EIF5A2: variants seen among roughly 807,000 people sequenced by gnomAD.
EIF5A2 encodes eukaryotic translation initiation factor 5A-2.
In EIF5A2, 15 loss-of-function variants were observed where a neutral mutation model predicts 16.4. That is an observed-to-expected ratio of 0.92 (90% CI 0.61 to 1.41). The LOEUF (loss-of-function observed/expected upper bound fraction) is 1.41, where lower values mean the gene tolerates loss of function less well. Among genes scored for constraint, EIF5A2 ranks in the 40% most tolerant of loss-of-function variants. EIF5A2 has a pLI of 0.00. For synonymous variants in EIF5A2, 48 were observed against 61.1 expected (o/e 0.79, Z 1.00); for missense variants, 144 against 189.5 (o/e 0.76, Z 1.41).
At position 170,891,602 on chromosome 3, in the gene EIF5A2, A is replaced by T. The variant is rs1042993107; in HGVS notation, c.*1758T>A. 4 of 152,624 alleles carry T rather than the reference A, an allele frequency of 2.6e-5. No individual in the cohort carries two copies. The highest frequency in any genetic ancestry group is 9.6e-5 in the African/African-American group (4 of 41,464). The allele number at this position is 152,624 out of a possible 1,614,324, so 9.5% of individuals were successfully genotyped here. ...CTGATTAGATCAGTTACATCATCAT[A>T]TATGATATACTTTCCTTTAGAAGAT... On this transcript the variant is annotated 3_prime_UTR_variant, in exon 5 of 5. Transcript: ENST00000295822.
At chr3:170,899,212 G>T (rs1009221284) in intron 3 of EIF5A2, among the ~76,000 whole-genome samples, 12 of 151,806 alleles carry the variant, frequency 7.9e-5, no homozygotes, top group Admixed American at 4.6e-4. Context: ...TAACTTTCAT[G>T]GTATCTTTTT....
intron 3 of EIF5A2, among the ~76,000 whole-genome samples, chr3:170,901,747 T>G (rs1030914114): frequency 9.9e-5 from 15 of 152,166 alleles, no homozygotes; most frequent in Non-Finnish European, 1.8e-4. Flanking sequence ...GACAGGTGCC[T>G]TCTTAGTTCT....
At position 170,892,862 on chromosome 3, in the gene EIF5A2, T is replaced by A. The variant is rs1712569739; in HGVS notation, c.*498A>T. On this transcript the variant is annotated 3_prime_UTR_variant, in exon 5 of 5. Coordinates refer to ENST00000295822, the MANE Select transcript of EIF5A2 (RefSeq NM_020390.6). ...CACCAAAATAACTGACAGTTTTTGA[T>A]AACATGATTTTTGTTTAAGGATTTG... 1.3e-5 allele frequency: 5 copies of A among 398,926 alleles called. No individual in the cohort carries two copies. Among genetic ancestry groups the A allele is most frequent in the Non-Finnish European group, 4.4e-6 (1 of 226,092 alleles). The allele number at this position is 398,926 out of a possible 1,614,324, so 24.7% of individuals were successfully genotyped here.
Position 170,890,845 on chromosome 3 carries a change from A to T in EIF5A2, c.*2515T>A, listed in dbSNP as rs190608515. The T allele has an allele frequency of 6.5e-6, 1 of 152,742 alleles. No homozygotes were observed. Among genetic ancestry groups the T allele is most frequent in the African/African-American group, 2.4e-5 (1 of 41,584 alleles). The allele number at this position is 152,742 out of a possible 1,614,324, so 9.5% of individuals were successfully genotyped here. A position where few individuals can be genotyped will look rare whatever the true frequency, so the allele number is the denominator to read the frequency against. On this transcript the variant is annotated 3_prime_UTR_variant, in exon 5 of 5. Transcript: ENST00000295822. ...TCACTTCTGTTCTATGTTAAAAAAT[A>T]CATGTTCCCCGCTTCCTTTTAATAT...
chr3:170,892,428 C>CAAAA lies in EIF5A2; in HGVS notation c.*928_*931dup, dbSNP rs34403814. The stretch of plus-strand genomic sequence containing the variant: ...TGGCTGATGGAGTGAGACTCAGTCT[C>CAAAA]AAAAAAAAAAAAAAAAAAAAGGAAG... On this transcript the variant is annotated 3_prime_UTR_variant, in exon 5 of 5. Coordinates refer to ENST00000295822, the MANE Select transcript of EIF5A2 (RefSeq NM_020390.6). The CAAAA allele has an allele frequency of 1.3e-4, 11 of 81,740 alleles. No individual in the cohort carries two copies. The highest frequency in any genetic ancestry group is 1.4e-4 in the Admixed American group (1 of 7,324). The allele number at this position is 81,740 out of a possible 1,614,324, so 5.1% of individuals were successfully genotyped here. A position where few individuals can be genotyped will look rare whatever the true frequency, so the allele number is the denominator to read the frequency against.
intron 3 of EIF5A2, among the ~76,000 whole-genome samples, chr3:170,903,880 A>G (rs1712870530): frequency 6.6e-6 from 1 of 152,268 alleles, no homozygotes; most frequent in African/African-American, 2.4e-5. Flanking sequence ...CAATTCACTA[A>G]TAATCCAAAG....
intron 3 of EIF5A2, among the ~76,000 whole-genome samples, chr3:170,904,196 C>A (rs900370116): frequency 2.0e-5 from 3 of 152,200 alleles, no homozygotes; most frequent in African/African-American, 4.8e-5. Context: ...AATTCTAATC[C>A]AAGCTAATCT....
intron 3 of EIF5A2, among the ~76,000 whole-genome samples, chr3:170,900,366 C>CAAAAAAAAAAAAA: frequency 1.6e-5 from 1 of 64,146 alleles, no homozygotes; most frequent in Non-Finnish European, 3.1e-5. Flanking sequence ...GACTCCATCT[C>CAAAAAAAAAAAAA]AAAAAAAAAA....
chr3:170,896,182 T>C (rs532355655), intron 3 of EIF5A2, among the ~76,000 whole-genome samples: 70 of 152,296 alleles, frequency 4.6e-4, no homozygotes, highest in African/African-American at 1.6e-3. Context: ...TTTTAAGAGT[T>C]AAGAATCATA....
chr3:170,907,065 G>A lies in EIF5A2; in HGVS notation c.194C>T (p.Thr65Met), dbSNP rs750910672. 1.9e-6 allele frequency: 3 copies of A among 1,612,178 alleles called. No homozygotes were observed. Among genetic ancestry groups the A allele is most frequent in the African/African-American group, 2.7e-5 (2 of 74,822 alleles). ...ACAAATATCTTCATATTTTTTGCCCGTGAAAATATCAATTCCAACAAGGTG... is the reference window on the plus strand; with the variant it reads ...ACAAATATCTTCATATTTTTTGCCCATGAAAATATCAATTCCAACAAGGTG... ...KVHLVGIDIF[T>M]GKKYEDICPS... is the part of the protein sequence containing the mutation. Residue 65 changes from threonine to methionine, a missense_variant, in exon 3 of 5, where the codon ACG becomes ATG. Thr to Met is a moderately conservative substitution (Grantham distance 81). Transcript: ENST00000295822.
intron 2 of EIF5A2, 76 bp from the exon 3 acceptor site, chr3:170,907,169 C>T (rs1712956391): frequency 1.1e-6 from 1 of 885,966 alleles, no homozygotes; most frequent in Non-Finnish European, 1.8e-6. Context: ...AGCACAATAC[C>T]AATGCTGATT....
chr3:170,890,778 G>A lies in EIF5A2; in HGVS notation c.*2582C>T, dbSNP rs550350548. 6.6e-6 allele frequency: 1 copy of A among 152,484 alleles called. No homozygotes were observed. The highest frequency in any genetic ancestry group is 1.5e-5 in the Non-Finnish European group (1 of 67,950). 9.4% of individuals were successfully genotyped at this position (152,484 alleles called of 1,614,324 possible). The stretch of plus-strand genomic sequence containing the variant: ...GCTACAAAAAAGTACAACAAATATT[G>A]GGAATCAACTTTAACATTTCTGATG... On this transcript the variant is annotated 3_prime_UTR_variant, in exon 5 of 5. Transcript: ENST00000295822.
chr3:170,896,433 CGAG>C (rs1712672707), intron 3 of EIF5A2, among the ~76,000 whole-genome samples: 1 of 152,012 alleles, frequency 6.6e-6, no homozygotes, highest in South Asian at 2.1e-4. Flanking sequence ...CCCCACATGT[CGAG>C]GGAGGGAGCT....
intron 3 of EIF5A2, among the ~76,000 whole-genome samples, chr3:170,898,607 T>C (rs532793948): frequency 6.7e-6 from 1 of 149,820 alleles, no homozygotes; most frequent in African/African-American, 2.5e-5. Flanking sequence ...CATGTGGAAC[T>C]GTGAATCAGT....
intron 3 of EIF5A2, among the ~76,000 whole-genome samples, chr3:170,904,052 T>C (rs1213943612): frequency 4.6e-5 from 7 of 152,110 alleles, no homozygotes; most frequent in African/African-American, 1.7e-4. Flanking sequence ...TTCCAGAGAG[T>C]GCTAAAGTCT....
intron 3 of EIF5A2, among the ~76,000 whole-genome samples, chr3:170,899,615 ATGTC>A (rs1712760866): frequency 3.3e-5 from 5 of 151,948 alleles, no homozygotes; most frequent in Non-Finnish European, 7.4e-5. Flanking sequence ...CAGGAGGCAA[ATGTC>A]AATTTGTCCC....
chr3:170,893,482 G>A, intron 4 of EIF5A2, 63 bp from the exon 5 acceptor site: 7 of 1,539,484 alleles, frequency 4.5e-6, no homozygotes, highest in South Asian at 2.3e-5. Flanking sequence ...GATATAATTA[G>A]TTCCTCATAT....
At chr3:170,902,051 CATT>C (rs1394642367) in intron 3 of EIF5A2, among the ~76,000 whole-genome samples, 3 of 152,204 alleles carry the variant, frequency 2.0e-5, no homozygotes, top group Non-Finnish European at 2.9e-5. Context: ...AGCTCTCCAT[CATT>C]GAGTGGAAGT....
At chr3:170,905,954 C>G (rs893561407) in intron 3 of EIF5A2, among the ~76,000 whole-genome samples, 2 of 151,920 alleles carry the variant, frequency 1.3e-5, no homozygotes, top group African/African-American at 4.8e-5. Context: ...ACCTAGAAAA[C>G]ATTTATGACA....
Sources: gnomAD v4.1 joint callset for allele counts (sites outside exome capture counted in the v4.1 genomes callset) on GRCh38, gnomAD v4.1.1 for gene constraint, MANE v1.5 for transcripts, NCBI Gene and HGNC (gene_info 2026-07-23, HGNC 2026-07-21) for gene names.